Variants in CSNK1G1 observed in about 807,000 individuals in gnomAD.
CSNK1G1 encodes the protein casein kinase 1 gamma 1.
Under a neutral mutation model 59.6 loss-of-function variants are expected in CSNK1G1, and 22 were observed. The ratio of observed to expected loss-of-function variants is 0.37; its 90% CI spans 0.26 to 0.53. The LOEUF is 0.53. CSNK1G1 is among the 20% of genes least tolerant of loss of function. CSNK1G1 has a pLI of 0.89. For synonymous variants in CSNK1G1, 179 were observed against 177.1 expected (o/e 1.01, Z -0.08); for missense variants, 384 against 519.5 (o/e 0.74, Z 2.54).
chr15:64,250,491 C>G (rs1490338304), intron 4 of CSNK1G1, among the ~76,000 whole-genome samples: 7 of 152,144 alleles, frequency 4.6e-5, no homozygotes. Flanking sequence ...GCCTGTAATC[C>G]CAGCATTTTG....
chr15:64,317,531 T>TA (rs889702928), intron 1 of CSNK1G1, among the ~76,000 whole-genome samples: 2 of 5,440 alleles, frequency 3.7e-4, no homozygotes, highest in Non-Finnish European at 0.022. Context: ...AAGGTTTCTC[T>TA]TTTTTTTTTT....
intron 10 of CSNK1G1, 31 bp downstream of exon 10, chr15:64,203,051 G>A (rs775874536): frequency 8.1e-6 from 12 of 1,480,796 alleles, no homozygotes; most frequent in South Asian, 1.1e-5. Context: ...AAGAAGGGTA[G>A]TGTCTGAAAG....
intron 1 of CSNK1G1, among the ~76,000 whole-genome samples, chr15:64,347,382 C>A (rs1405693608): frequency 6.6e-6 from 1 of 152,014 alleles, no homozygotes; most frequent in Non-Finnish European, 1.5e-5. Context: ...TTATCAAAAA[C>A]TAGAAGCAAC....
chr15:64,299,863 G>A (rs1398523007), intron 2 of CSNK1G1, among the ~76,000 whole-genome samples: 1 of 152,064 alleles, frequency 6.6e-6, no homozygotes, highest in Non-Finnish European at 1.5e-5. Flanking sequence ...GTATATCCTT[G>A]CAGACTAAGC....
intron 1 of CSNK1G1, among the ~76,000 whole-genome samples, chr15:64,333,727 C>T (rs1418783399): frequency 6.6e-6 from 1 of 152,050 alleles, no homozygotes; most frequent in East Asian, 1.9e-4. Flanking sequence ...TACATGCAAA[C>T]GGAAACCAAA....
At chr15:64,306,319 T>C (rs1391781547) in intron 1 of CSNK1G1, among the ~76,000 whole-genome samples, 2 of 152,204 alleles carry the variant, frequency 1.3e-5, no homozygotes, top group African/African-American at 2.4e-5. Flanking sequence ...AGTTAAAATA[T>C]GAGCAAAATA....
At chr15:64,326,841 G>A (rs866203904) in intron 1 of CSNK1G1, among the ~76,000 whole-genome samples, 25 of 151,298 alleles carry the variant, frequency 1.7e-4, no homozygotes, top group Middle Eastern at 3.4e-3. Flanking sequence ...CCGAAGCAGG[G>A]CGAGGCATTG....
chr15:64,320,557 T>G (rs1348243164), intron 1 of CSNK1G1, among the ~76,000 whole-genome samples: 2 of 151,556 alleles, frequency 1.3e-5, no homozygotes, highest in East Asian at 1.9e-4. Context: ...CAAGTGCCTG[T>G]AATCCCAGCT....
At chr15:64,212,337 T>C (rs1290021058) in intron 6 of CSNK1G1, among the ~76,000 whole-genome samples, 3 of 152,252 alleles carry the variant, frequency 2.0e-5, no homozygotes, top group African/African-American at 7.2e-5. Flanking sequence ...CTCTTCACTA[T>C]CACTTGAATT....
intron 10 of CSNK1G1, among the ~76,000 whole-genome samples, chr15:64,202,344 G>C (rs1157938201): frequency 6.6e-6 from 1 of 152,036 alleles, no homozygotes; most frequent in Non-Finnish European, 1.5e-5. Context: ...CTACAGATGA[G>C]ACCCAAAGTG....
intron 4 of CSNK1G1, among the ~76,000 whole-genome samples, chr15:64,225,152 G>T (rs1408591479): frequency 6.6e-6 from 1 of 151,792 alleles, no homozygotes; most frequent in Non-Finnish European, 1.5e-5. Context: ...GGGATTACAG[G>T]CATGCACCAC....
At chr15:64,321,182 T>C (rs1206532925) in intron 1 of CSNK1G1, among the ~76,000 whole-genome samples, 3 of 151,868 alleles carry the variant, frequency 2.0e-5, no homozygotes, top group Admixed American at 2.0e-4. Context: ...ATGTATTATT[T>C]AAGGAAATGA....
intron 4 of CSNK1G1, among the ~76,000 whole-genome samples, chr15:64,238,518 A>AAAATATATATATATAT (rs1555396879): frequency 4.1e-5 from 2 of 49,246 alleles, no homozygotes; most frequent in African/African-American, 1.2e-4. Flanking sequence ...AAAAAAAAAA[A>AAAATATATATATATAT]ATATATATAT....
At position 64,214,247 on chromosome 15, in the gene CSNK1G1, C is replaced by T. The variant is rs1596104391; in HGVS notation, c.445-123G>A. On this transcript the variant is annotated intron_variant, in intron 5 of 11. Coordinates refer to ENST00000303052, the MANE Select transcript of CSNK1G1 (RefSeq NM_022048.5). The surrounding 1 kb of genome is among the most constrained non-coding windows in gnomAD (Gnocchi z 4.3). ...AATAACAGTAAAATTCATCTCCTTT[C>T]ACCGCCCTGAGTCACTTCACTGACT... is the stretch of plus-strand genomic sequence containing the variant. 26 of 717,160 alleles carry T rather than the reference C, an allele frequency of 3.6e-5. No homozygotes were observed. In the East Asian group the frequency reaches 6.8e-4, roughly 19 times the overall value. The allele number at this position is 717,160 out of a possible 1,614,324, so 44.4% of individuals were successfully genotyped here. A position where few individuals can be genotyped will look rare whatever the true frequency, so the allele number is the denominator to read the frequency against.
chr15:64,165,736 C>T lies in CSNK1G1; in HGVS notation c.*6195G>A. 3.5e-6 allele frequency: 1 copy of T among 289,430 alleles called. No homozygotes were observed. The highest frequency in any genetic ancestry group is 6.3e-6 in the Non-Finnish European group (1 of 157,538). The allele number at this position is 289,430 out of a possible 1,614,324, so 17.9% of individuals were successfully genotyped here. ...CAACCAACCAAACAAGCAGAAGTAG[C>T]CAAGAAAGGTAAGACATTTTATTTT... On this transcript the variant is annotated 3_prime_UTR_variant, in exon 12 of 12. Transcript: ENST00000303052.
chr15:64,308,169 T>C (rs1895788772), intron 1 of CSNK1G1, among the ~76,000 whole-genome samples: 1 of 152,224 alleles, frequency 6.6e-6, no homozygotes, highest in South Asian at 2.1e-4. Context: ...AAAATTTGTC[T>C]TTGGGTTTAC....
intron 6 of CSNK1G1, 46 bp from the exon 7 acceptor site, chr15:64,207,640 C>G (rs774053417): frequency 6.8e-7 from 1 of 1,481,142 alleles, no homozygotes; most frequent in Non-Finnish European, 9.4e-7. Context: ...GTTATTAAAG[C>G]AGAAAGAGGT....
chr15:64,229,115 A>G (rs1406758004), intron 4 of CSNK1G1, among the ~76,000 whole-genome samples: 1 of 152,052 alleles, frequency 6.6e-6, no homozygotes, highest in Admixed American at 6.6e-5. Context: ...TAATAGCTAC[A>G]TATTAATAGT....
chr15:64,186,653 G>C (rs1416572877), intron 10 of CSNK1G1, among the ~76,000 whole-genome samples: 1 of 151,826 alleles, frequency 6.6e-6, no homozygotes, highest in Non-Finnish European at 1.5e-5. Context: ...AGGACTATAG[G>C]CACATAGCAC....
Sources: allele counts gnomAD v4.1 joint callset (sites outside exome capture counted in the v4.1 genomes callset), GRCh38; gene constraint gnomAD v4.1.1; non-coding constraint Gnocchi (gnomAD v3.1); transcripts MANE v1.5; gene names NCBI Gene and HGNC (gene_info 2026-07-23, HGNC 2026-07-21).